The following CDH23 variants were observed in gnomAD, a reference collection of about 807,000 sequenced individuals.
CDH23 encodes the protein cadherin related 23.
Under a neutral mutation model 317.1 loss-of-function variants are expected in CDH23, and 189 were observed. The ratio of observed to expected loss-of-function variants is 0.60; its 90% CI spans 0.53 to 0.67. The LOEUF is 0.67. Among genes scored for constraint, CDH23 ranks in the 30% least tolerant of loss-of-function variants. CDH23 has a pLI of 0.00. For missense variants in CDH23, 4,401 were observed against 4,592.4 expected (o/e 0.96, Z 1.20); for synonymous variants, 1,839 against 1,876.8 (o/e 0.98, Z 0.52).
chr10:71,695,315 T>C (rs927869729), intron 21 of CDH23, 103 bp from the exon 22 acceptor site: 1 of 819,064 alleles, frequency 1.2e-6, no homozygotes, highest in Non-Finnish European at 2.1e-6. Flanking sequence ...GCAGAATTAA[T>C]GCGAAGATTG....
Position 71,397,819 on chromosome 10 carries a change from A to G in CDH23, c.-6+501A>G, listed in dbSNP as rs1181377666. Among the ~76,000 whole-genome samples the G allele has an allele frequency of 6.6e-6, 1 of 152,012 alleles. No individual in the cohort carries two copies. Among genetic ancestry groups the G allele is most frequent in the Non-Finnish European group, 1.5e-5 (1 of 67,976 alleles). On this transcript the variant is annotated intron_variant, in intron 1 of 69. Transcript: ENST00000224721. This position sits in a 1 kb window ranked among gnomAD's most constrained non-coding sequence, Gnocchi z 4.8. ...GCGCTGAGGGGAACTAAAGGCACGT[A>G]GTTCTCCCCTCCCCTCATCAAGTCC...
At chr10:71,704,399 AAAT>A (rs1757284844) in intron 24 of CDH23, among the ~76,000 whole-genome samples, 1 of 152,228 alleles carries the variant, frequency 6.6e-6, no homozygotes. Flanking sequence ...TTTTTTAAAA[AAAT>A]AATAATAATG....
intron 3 of CDH23, among the ~76,000 whole-genome samples, chr10:71,453,280 C>T (rs975727979): frequency 4.6e-5 from 7 of 152,248 alleles, no homozygotes; most frequent in African/African-American, 1.7e-4. Context: ...TGATTAATTT[C>T]TCTCCAAACT....
chr10:71,649,677 A>T (rs959931052), intron 14 of CDH23, among the ~76,000 whole-genome samples: 10 of 152,234 alleles, frequency 6.6e-5, no homozygotes, highest in African/African-American at 2.4e-4. Context: ...GGCAGAACCC[A>T]CACATACAAA....
intron 28 of CDH23, among the ~76,000 whole-genome samples, chr10:71,722,439 C>T (rs1257516821): frequency 6.6e-6 from 1 of 152,186 alleles, no homozygotes; most frequent in Non-Finnish European, 1.5e-5. Flanking sequence ...TTGTATGTGT[C>T]CTGCATTCGT....
chr10:71,752,173 T>C (rs2132865884), intron 38 of CDH23: 3 of 495,608 alleles, frequency 6.1e-6, no homozygotes, highest in Non-Finnish European at 7.6e-6. Context: ...AACTTCAGCC[T>C]CAGGAATTTG....
intron 14 of CDH23, among the ~76,000 whole-genome samples, chr10:71,658,383 T>C (rs1863507594): frequency 6.6e-6 from 1 of 152,192 alleles, no homozygotes; most frequent in Non-Finnish European, 1.5e-5. Flanking sequence ...AAGTGAATTG[T>C]CCTGGACCTT....
chr10:71,528,307 G>A (rs1481855090), intron 6 of CDH23, among the ~76,000 whole-genome samples: 1 of 152,124 alleles, frequency 6.6e-6, no homozygotes, highest in East Asian at 1.9e-4. Flanking sequence ...CCTAAAGAAG[G>A]TCATGGGTCA....
chr10:71,722,117 G>A (rs771963829), intron 28 of CDH23, among the ~76,000 whole-genome samples: 8 of 152,136 alleles, frequency 5.3e-5, no homozygotes, highest in South Asian at 2.1e-4. Flanking sequence ...TTAGGGCTTC[G>A]GGTGGCAAGA....
intron 6 of CDH23, among the ~76,000 whole-genome samples, chr10:71,566,080 G>A (rs572661544): frequency 3.3e-4 from 51 of 152,332 alleles, no homozygotes; most frequent in Admixed American, 1.1e-3. Context: ...GACCACAAGG[G>A]CCTGTGTTCT....
chr10:71,675,086 A>G (rs1162877133), intron 14 of CDH23, 26 bp from the exon 15 acceptor site: 1 of 1,611,168 alleles, frequency 6.2e-7, no homozygotes, highest in Non-Finnish European at 8.5e-7. Flanking sequence ...CCTGGCAGTA[A>G]TGACTTCTTG....
chr10:71,540,817 TGACATAGCCGATCAGGCTGGAGCTAA>T (rs1296936341), intron 6 of CDH23, among the ~76,000 whole-genome samples: 1 of 152,014 alleles, frequency 6.6e-6, no homozygotes, highest in African/African-American at 2.4e-5. Flanking sequence ...TTATCCAGCA[TGACATAGCCGATCAGGCTGGAGCTAA>T]GACCAGGACA....
chr10:71,630,364 G>A (rs1157157733), intron 11 of CDH23, among the ~76,000 whole-genome samples: 1 of 152,056 alleles, frequency 6.6e-6, no homozygotes, highest in Non-Finnish European at 1.5e-5. Flanking sequence ...AGGGGTGGGG[G>A]TGGGTGAATT....
Position 71,777,916 on chromosome 10 carries a change from G to T in CDH23, c.5067+15G>T, listed in dbSNP as rs367928867. The T allele has an allele frequency of 1.4e-5, 22 of 1,613,544 alleles. No homozygotes were observed. The highest frequency in any genetic ancestry group is 1.9e-5 in the Non-Finnish European group (22 of 1,179,590). ...ACAGACACATGGTCAGCAGCTGATG[G>T]CAGGATCAAGACAAGGGGCGAAACC... On this transcript the variant is annotated intron_variant, in intron 39 of 69. Coordinates refer to ENST00000224721, the MANE Select transcript of CDH23 (RefSeq NM_022124.6).
At chr10:71,472,597 G>T (rs569808061) in intron 3 of CDH23, among the ~76,000 whole-genome samples, 1 of 152,324 alleles carries the variant, frequency 6.6e-6, no homozygotes, top group African/African-American at 2.4e-5. Flanking sequence ...AGGCACATGG[G>T]CCAGGCTTCA....
Position 71,504,031 on chromosome 10 carries a change from G to GTT in CDH23, c.146-6040_146-6039dup, listed in dbSNP as rs199792678. 2.7e-4 allele frequency among the ~76,000 whole-genome samples: 39 copies of GTT among 146,508 alleles called. 1 individual carries two copies. In the East Asian group the frequency reaches 6.9e-3, roughly 26 times the overall value. ...GGGCCTTAGAAATGGTCAATTTAAG[G>GTT]TTTTTTTTTTTTAATTTAATTATGG... On this transcript the variant is annotated intron_variant, in intron 3 of 69. Transcript: ENST00000224721.
intron 22 of CDH23, among the ~76,000 whole-genome samples, chr10:71,700,934 C>T (rs1025193142): frequency 2.6e-5 from 4 of 152,210 alleles, no homozygotes; most frequent in African/African-American, 9.7e-5. Context: ...ACAAAAGGCT[C>T]CACATCAAGT....
intron 3 of CDH23, among the ~76,000 whole-genome samples, chr10:71,494,820 T>G (rs917330021): frequency 6.6e-6 from 1 of 152,160 alleles, no homozygotes; most frequent in South Asian, 2.1e-4. Context: ...TAACCCCCAG[T>G]TGATCTCAGA....
At chr10:71,425,630 G>T (rs1849042542) in intron 1 of CDH23, among the ~76,000 whole-genome samples, 1 of 152,130 alleles carries the variant, frequency 6.6e-6, no homozygotes, top group Non-Finnish European at 1.5e-5. Context: ...CATGCTGTTT[G>T]CCTCACTTTC....
Sources: allele counts gnomAD v4.1 joint callset (sites outside exome capture counted in the v4.1 genomes callset), GRCh38; gene constraint gnomAD v4.1.1; non-coding constraint Gnocchi (gnomAD v3.1); transcripts MANE v1.5; gene names NCBI Gene and HGNC (gene_info 2026-07-23, HGNC 2026-07-21).